Variants in USP6NL observed in about 807,000 individuals in gnomAD.
The protein encoded by USP6NL is USP6 N-terminal like.
Under a neutral mutation model 61.9 loss-of-function variants are expected in USP6NL, and 26 were observed. That is an observed-to-expected ratio of 0.42 (90% CI 0.31 to 0.58). The LOEUF is 0.58. Ranked by LOEUF, USP6NL falls within the 20% of genes least tolerant of loss-of-function variation. USP6NL has a pLI of 0.16. For missense variants in USP6NL, 1,114 were observed against 1,034.3 expected, an observed-to-expected ratio of 1.08 and a Z score of -1.06; for synonymous variants, 432 against 390.1, an observed-to-expected ratio of 1.11 and a Z score of -1.27.
chr10:11,473,220 C>CT (rs1381223833), intron 14 of USP6NL, among the ~76,000 whole-genome samples: 2,149 of 152,316 alleles, frequency 0.014, 56 homozygotes, highest in African/African-American at 0.049. Context: ...ATTAGGATTT[C>CT]ATTTATTCAA....
rs904916161 is a variant in USP6NL at position 11,525,594 on chromosome 10, G to A, written c.73-126C>T. On this transcript the variant is annotated intron_variant, in intron 3 of 14. Transcript: ENST00000609104. The surrounding 1 kb of genome is among the most constrained non-coding windows in gnomAD (Gnocchi z 5.0). ...ACTAAAAATAAGAGCTGGAAGTGAG[G>A]CATTATGAGCCTTAACATTTTTTTT... The A allele has an allele frequency of 1.5e-5, 12 of 797,172 alleles. No homozygotes were observed. The African/African-American group carries it at 1.8e-4, about 12-fold the overall frequency. The allele number at this position is 797,172 out of a possible 1,614,324, so 49.4% of individuals were successfully genotyped here.
At chr10:11,551,666 T>C (rs1030736519) in intron 2 of USP6NL, among the ~76,000 whole-genome samples, 1 of 152,234 alleles carries the variant, frequency 6.6e-6, no homozygotes, top group Non-Finnish European at 1.5e-5. Context: ...CAGATCAAAC[T>C]CAGGCCTCTC....
rs1832432045 is a variant in USP6NL, at chr10:11,465,910, G to T, written c.1079-2061C>A. ...CTTCATTATTTGTGATAATTTGCTT[G>T]TATGGTCCTAGCACATTTTCAGTGT... On this transcript the variant is annotated intron_variant, in intron 14 of 14. Transcript: ENST00000609104. This position sits in a 1 kb window ranked among gnomAD's most constrained non-coding sequence, Gnocchi z 4.5. Among the ~76,000 whole-genome samples, 1 of 152,102 alleles carries T rather than the reference G, an allele frequency of 6.6e-6. No individual in the cohort carries two copies. Among genetic ancestry groups the T allele is most frequent in the Non-Finnish European group, 1.5e-5 (1 of 68,022 alleles).
At chr10:11,480,594 A>G (rs1299388905) in intron 14 of USP6NL, among the ~76,000 whole-genome samples, 1 of 152,246 alleles carries the variant, frequency 6.6e-6, no homozygotes, top group Non-Finnish European at 1.5e-5. Context: ...GTTGCTTCCT[A>G]GGAGCCTGGA....
At chr10:11,466,789 C>A (rs942698092) in intron 14 of USP6NL, among the ~76,000 whole-genome samples, 1 of 152,190 alleles carries the variant, frequency 6.6e-6, no homozygotes, top group Non-Finnish European at 1.5e-5. Context: ...TCCTCAGCTA[C>A]AAACACATAC....
intron 2 of USP6NL, among the ~76,000 whole-genome samples, chr10:11,559,489 G>C (rs1164840026): frequency 6.6e-6 from 1 of 152,128 alleles, no homozygotes; most frequent in African/African-American, 2.4e-5. Flanking sequence ...ACAGCTTGGA[G>C]AGTAATAATC....
chr10:11,483,664 T>A (rs1486684477), intron 13 of USP6NL, among the ~76,000 whole-genome samples: 1 of 7,198 alleles, frequency 1.4e-4, no homozygotes, highest in Non-Finnish European at 2.4e-4. Flanking sequence ...GGGAGAGGGG[T>A]AGGGAGGGAG....
chr10:11,558,986 A>G (rs1174464619), intron 2 of USP6NL, among the ~76,000 whole-genome samples: 1 of 152,238 alleles, frequency 6.6e-6, no homozygotes, highest in African/African-American at 2.4e-5. Context: ...TTGAAAAGCA[A>G]TATAAGCCAC....
intron 1 of USP6NL, among the ~76,000 whole-genome samples, chr10:11,599,884 C>G (rs1838459640): frequency 6.6e-6 from 1 of 152,078 alleles, no homozygotes; most frequent in Non-Finnish European, 1.5e-5. Context: ...TGGTCTCGAT[C>G]TCCTGACCTC....
rs1292663213 is a variant in USP6NL, at chr10:11,510,861, C to T, written c.196-1186G>A. On this transcript the variant is annotated intron_variant, in intron 5 of 14. Transcript: ENST00000609104. The surrounding 1 kb of genome is among the most constrained non-coding windows in gnomAD (Gnocchi z 4.8). Reference sequence around the variant, plus strand: ...GGTAGAAGACGGATTCAAAGCCAGGCAAGCCTGGCTCCAGGACGTACACTC... The same window carrying T: ...GGTAGAAGACGGATTCAAAGCCAGGTAAGCCTGGCTCCAGGACGTACACTC... Among the ~76,000 whole-genome samples the T allele has an allele frequency of 6.6e-6, 1 of 152,234 alleles. No individual in the cohort carries two copies. The highest frequency in any genetic ancestry group is 6.5e-5 in the Admixed American group (1 of 15,288).
intron 7 of USP6NL, among the ~76,000 whole-genome samples, chr10:11,500,304 C>A (rs763392493): frequency 2.0e-5 from 3 of 151,826 alleles, no homozygotes; most frequent in Non-Finnish European, 4.4e-5. Context: ...CAAATCTGCA[C>A]GTCCTGCACA....
Position 11,600,302 on chromosome 10 carries a change from C to T in USP6NL, c.-83-2585G>A, listed in dbSNP as rs1838476332. On this transcript the variant is annotated intron_variant, in intron 1 of 14. Coordinates refer to ENST00000609104, the MANE Select transcript of USP6NL (RefSeq NM_014688.5). The surrounding 1 kb of genome is among the most constrained non-coding windows in gnomAD (Gnocchi z 4.1). ...ACTGGAGGCTTGAGGAGCACTGAGGCAGCCTGCCTTCCCTTGTGCTCCTAC... is the reference window on the plus strand; with the variant it reads ...ACTGGAGGCTTGAGGAGCACTGAGGTAGCCTGCCTTCCCTTGTGCTCCTAC... 6.6e-6 allele frequency among the ~76,000 whole-genome samples: 1 copy of T among 152,174 alleles called. No homozygotes were observed. The highest frequency in any genetic ancestry group is 2.4e-5 in the African/African-American group (1 of 41,432).
At chr10:11,581,407 A>C (rs973322556) in intron 2 of USP6NL, among the ~76,000 whole-genome samples, 2 of 152,256 alleles carry the variant, frequency 1.3e-5, no homozygotes, top group Non-Finnish European at 2.9e-5. Flanking sequence ...CTAAGCCTAC[A>C]AATTCTTTTG....
chr10:11,492,688 T>C (rs1046833949), intron 8 of USP6NL, among the ~76,000 whole-genome samples: 2 of 152,246 alleles, frequency 1.3e-5, no homozygotes, highest in African/African-American at 4.8e-5. Flanking sequence ...AAAACTGTAC[T>C]TTTCATTTAT....
chr10:11,527,146 G>A (rs1318185497), intron 3 of USP6NL, among the ~76,000 whole-genome samples: 4 of 152,076 alleles, frequency 2.6e-5, no homozygotes, highest in African/African-American at 7.2e-5. Flanking sequence ...AAACAGGGAG[G>A]TGGGAGGTCA....
intron 14 of USP6NL, among the ~76,000 whole-genome samples, chr10:11,477,158 C>A (rs918360160): frequency 6.6e-6 from 1 of 152,132 alleles, no homozygotes; most frequent in Non-Finnish European, 1.5e-5. Context: ...AGGCGTGAGC[C>A]ACTGTACCCA....
In USP6NL at chr10:11,528,998, G is replaced by A. The variant is rs1326520564; in HGVS notation, c.5-1431C>T. On this transcript the variant is annotated intron_variant, in intron 2 of 14. Transcript: ENST00000609104. This position sits in a 1 kb window ranked among gnomAD's most constrained non-coding sequence, Gnocchi z 4.6. Reference sequence around the variant, plus strand: ...CAGCAATACTGGCATGTTACCTAGCGCAATGGAGGCACACAGGAAAAGAAT... The same window carrying A: ...CAGCAATACTGGCATGTTACCTAGCACAATGGAGGCACACAGGAAAAGAAT... Among the ~76,000 whole-genome samples, 8 of 152,262 alleles carry A rather than the reference G, an allele frequency of 5.3e-5. No homozygotes were observed. Among genetic ancestry groups the A allele is most frequent in the South Asian group, 2.1e-4 (1 of 4,822 alleles).
intron 2 of USP6NL, among the ~76,000 whole-genome samples, chr10:11,530,101 C>CAAAAAA (rs900768943): frequency 4.2e-5 from 3 of 72,000 alleles, no homozygotes; most frequent in Non-Finnish European, 5.4e-5. Flanking sequence ...GACCCTGTCT[C>CAAAAAA]AAAAAAAAAA....
At chr10:11,566,422 G>A in intron 2 of USP6NL, among the ~76,000 whole-genome samples, 1 of 152,308 alleles carries the variant, frequency 6.6e-6, no homozygotes, top group African/African-American at 2.4e-5. Context: ...TTAAATGGGG[G>A]CCATTCTAAG....
Sources: gnomAD v4.1 joint callset for allele counts (sites outside exome capture counted in the v4.1 genomes callset) on GRCh38, gnomAD v4.1.1 for gene constraint, Gnocchi (gnomAD v3.1) non-coding constraint, MANE v1.5 for transcripts, NCBI Gene and HGNC (gene_info 2026-07-23, HGNC 2026-07-21) for gene names.